Variants in KCNK13 observed in about 807,000 individuals in gnomAD.
The protein encoded by KCNK13 is potassium two pore domain channel subfamily K member 13.
A neutral mutation model predicts 23.4 loss-of-function variants in KCNK13; 12 were observed. The observed-to-expected ratio is 0.51, with a 90% CI of 0.33 to 0.83. The LOEUF is 0.83. Ranked by LOEUF, KCNK13 falls within the 40% of genes least tolerant of loss-of-function variation. The probability of loss-of-function intolerance (pLI) is 0.02; values close to 1 mark genes in which losing one functional copy is unlikely to be tolerated. For missense variants in KCNK13, 463 were observed against 556.3 expected (o/e 0.83, Z 1.69); for synonymous variants, 231 against 229.5 (o/e 1.01, Z -0.06).
chr14:90,149,180 A>AC (rs1246750641), intron 1 of KCNK13, among the ~76,000 whole-genome samples: 1 of 151,998 alleles, frequency 6.6e-6, no homozygotes, highest in Non-Finnish European at 1.5e-5. Flanking sequence ...ATATGGTGAA[A>AC]CCCCATCTCT....
chr14:90,080,953 T>A (rs1889202057), intron 1 of KCNK13, among the ~76,000 whole-genome samples: 1 of 152,196 alleles, frequency 6.6e-6, no homozygotes, highest in Non-Finnish European at 1.5e-5. Flanking sequence ...TGCCCCTAGT[T>A]GTGACAACCA....
chr14:90,088,698 G>GTA (rs1256680306), intron 1 of KCNK13, among the ~76,000 whole-genome samples: 1 of 152,218 alleles, frequency 6.6e-6, no homozygotes, highest in Non-Finnish European at 1.5e-5. Flanking sequence ...CCTTTGGGGA[G>GTA]TGATATGGTT....
chr14:90,164,964 A>G (rs1227827885), intron 1 of KCNK13, among the ~76,000 whole-genome samples: 1 of 152,188 alleles, frequency 6.6e-6, no homozygotes. Flanking sequence ...TGGGTAATTT[A>G]TACATGCAAA....
intron 1 of KCNK13, among the ~76,000 whole-genome samples, chr14:90,067,732 CAGA>C (rs1258804503): frequency 1.3e-5 from 2 of 152,138 alleles, no homozygotes; most frequent in East Asian, 1.9e-4. Context: ...TTAAAGTACT[CAGA>C]AAAGTAGAAT....
At chr14:90,107,213 C>G (rs762738022) in intron 1 of KCNK13, among the ~76,000 whole-genome samples, 5 of 152,068 alleles carry the variant, frequency 3.3e-5, no homozygotes, top group Non-Finnish European at 7.4e-5. Context: ...GGCATGGTGG[C>G]TCATGCCTGT....
intron 1 of KCNK13, among the ~76,000 whole-genome samples, chr14:90,063,124 A>G (rs1888965488): frequency 6.6e-6 from 1 of 152,144 alleles, no homozygotes; most frequent in South Asian, 2.1e-4. Flanking sequence ...TTTGGGCTGA[A>G]TCAATTCGTG....
At chr14:90,127,377 G>A (rs923348158) in intron 1 of KCNK13, among the ~76,000 whole-genome samples, 2 of 151,800 alleles carry the variant, frequency 1.3e-5, no homozygotes, top group African/African-American at 2.4e-5. Context: ...GATCTGAGCC[G>A]GCCCCCAGAG....
chr14:90,062,619 C>T lies in KCNK13; in HGVS notation c.334+80C>T. On this transcript the variant is annotated intron_variant, in intron 1 of 1. Coordinates refer to ENST00000282146, the MANE Select transcript of KCNK13 (RefSeq NM_022054.4). This position sits in a 1 kb window ranked among gnomAD's most constrained non-coding sequence, Gnocchi z 4.5. ...GGGGGGCAGGACCGACCCTCTCATC[C>T]TTTCATTCATCCATCTGGGCGCCCA... The T allele has an allele frequency of 8.8e-7, 1 of 1,139,272 alleles. No individual in the cohort carries two copies. The allele number at this position is 1,139,272 out of a possible 1,614,324, so 70.6% of individuals were successfully genotyped here. A position where few individuals can be genotyped will look rare whatever the true frequency, so the allele number is the denominator to read the frequency against.
At chr14:90,116,265 G>A (rs1485415274) in intron 1 of KCNK13, among the ~76,000 whole-genome samples, 1 of 152,068 alleles carries the variant, frequency 6.6e-6, no homozygotes, top group Non-Finnish European at 1.5e-5. Flanking sequence ...GATGTTTGAA[G>A]CCTGCCTTTA....
intron 1 of KCNK13, among the ~76,000 whole-genome samples, chr14:90,119,281 C>T (rs1201042678): frequency 1.3e-5 from 2 of 152,096 alleles, no homozygotes; most frequent in Non-Finnish European, 2.9e-5. Context: ...GACTCCTCCC[C>T]AATTCATTCT....
chr14:90,178,798 C>T (rs1890453493), intron 1 of KCNK13, among the ~76,000 whole-genome samples: 1 of 151,954 alleles, frequency 6.6e-6, no homozygotes, highest in South Asian at 2.1e-4. Context: ...CATATAAGAA[C>T]ACTCTTGAAA....
chr14:90,085,353 T>G (rs1398595918), intron 1 of KCNK13, among the ~76,000 whole-genome samples: 11 of 152,082 alleles, frequency 7.2e-5, no homozygotes, highest in Admixed American at 7.2e-4. Context: ...TTTAGGATTT[T>G]TGCATCAGTA....
chr14:90,175,701 A>C (rs1252088884), intron 1 of KCNK13, among the ~76,000 whole-genome samples: 1 of 152,180 alleles, frequency 6.6e-6, no homozygotes, highest in African/African-American at 2.4e-5. Flanking sequence ...AACCTCCCCA[A>C]GTGAGTGGTT....
At position 90,062,851 on chromosome 14, in the gene KCNK13, C is replaced by A. The variant is rs2140384091; in HGVS notation, c.334+312C>A. Among the ~76,000 whole-genome samples the A allele has an allele frequency of 6.6e-6, 1 of 152,274 alleles. No homozygotes were observed. Among genetic ancestry groups the A allele is most frequent in the East Asian group, 1.9e-4 (1 of 5,184 alleles). ...ATTGGAATGATCCTTAAATTGGAGA[C>A]GCTCTGCTCTGGGAGATTTTCAGTC... On this transcript the variant is annotated intron_variant, in intron 1 of 1. Transcript: ENST00000282146. The surrounding 1 kb of genome is among the most constrained non-coding windows in gnomAD (Gnocchi z 4.5).
chr14:90,155,973 G>A (rs987852446), intron 1 of KCNK13, among the ~76,000 whole-genome samples: 19 of 152,112 alleles, frequency 1.2e-4, no homozygotes, highest in African/African-American at 4.3e-4. Flanking sequence ...GGAGGCCGAG[G>A]CAGGCAGATC....
chr14:90,129,569 G>A (rs1889843130), intron 1 of KCNK13, among the ~76,000 whole-genome samples: 1 of 152,176 alleles, frequency 6.6e-6, no homozygotes, highest in Admixed American at 6.5e-5. Context: ...TGGGATGGCT[G>A]TGCTGTAGGG....
At chr14:90,065,104 C>T (rs2140385437) in intron 1 of KCNK13, among the ~76,000 whole-genome samples, 1 of 152,318 alleles carries the variant, frequency 6.6e-6, no homozygotes, top group Non-Finnish European at 1.5e-5. Context: ...TTCTTCTGGT[C>T]TCCTTTTTCC....
intron 1 of KCNK13, among the ~76,000 whole-genome samples, chr14:90,095,399 A>G (rs1013596427): frequency 1.3e-5 from 2 of 152,200 alleles, no homozygotes; most frequent in African/African-American, 4.8e-5. Context: ...GCACCATTTG[A>G]AACAAACACC....
At position 90,185,081 on chromosome 14, in the gene KCNK13, C is replaced by A. The variant is rs189867081; in HGVS notation, c.*78C>A. 2.3e-5 allele frequency: 30 copies of A among 1,286,262 alleles called. No individual in the cohort carries two copies. Among genetic ancestry groups the A allele is most frequent in the Non-Finnish European group, 3.1e-5 (30 of 961,374 alleles). 79.7% of individuals were successfully genotyped at this position (1,286,262 alleles called of 1,614,324 possible). A position where few individuals can be genotyped will look rare whatever the true frequency, so the allele number is the denominator to read the frequency against. On this transcript the variant is annotated 3_prime_UTR_variant, in exon 2 of 2. Coordinates refer to ENST00000282146, the MANE Select transcript of KCNK13 (RefSeq NM_022054.4). ...CGCCCAGGGGACGAGCTCAGCCCTGCGCCTTGGCTCTGTTCCTTCTGGGAG... is the reference window on the plus strand; with the variant it reads ...CGCCCAGGGGACGAGCTCAGCCCTGAGCCTTGGCTCTGTTCCTTCTGGGAG...
Sources: gnomAD v4.1 joint callset for allele counts (sites outside exome capture counted in the v4.1 genomes callset) on GRCh38, gnomAD v4.1.1 for gene constraint, Gnocchi (gnomAD v3.1) non-coding constraint, MANE v1.5 for transcripts, NCBI Gene and HGNC (gene_info 2026-07-23, HGNC 2026-07-21) for gene names.